Variants in SPMIP2 observed in about 807,000 individuals in gnomAD.
The protein encoded by SPMIP2 is protein SPMIP2.
the SPMIP2 span, among the ~76,000 whole-genome samples, chr4:158,923,499 T>A: frequency 6.6e-6 from 1 of 151,978 alleles, no homozygotes; most frequent in Non-Finnish European, 1.5e-5. Context: ...ATAAATGAAA[T>A]TGTTTTAATT....
At chr4:158,961,371 G>A in the SPMIP2 span, among the ~76,000 whole-genome samples, 44 of 152,166 alleles carry the variant, frequency 2.9e-4, no homozygotes, top group Middle Eastern at 3.4e-3. Context: ...TCTTCTCAGG[G>A]ATAAAGACCT....
chr4:158,994,625 TA>T, the SPMIP2 span, among the ~76,000 whole-genome samples: 1 of 152,146 alleles, frequency 6.6e-6, no homozygotes, highest in African/African-American at 2.4e-5. Context: ...AGTGTTTCAA[TA>T]GGTATATTTG....
the SPMIP2 span, among the ~76,000 whole-genome samples, chr4:159,039,263 A>G: frequency 1.3e-5 from 2 of 152,146 alleles, no homozygotes; most frequent in Non-Finnish European, 2.9e-5. Context: ...AAACGAGCAG[A>G]CACTGGTTGG....
the SPMIP2 span, among the ~76,000 whole-genome samples, chr4:159,072,862 A>C: frequency 6.6e-6 from 1 of 152,224 alleles, no homozygotes; most frequent in East Asian, 1.9e-4. Context: ...TTTGATAAGT[A>C]TAACAAAACA....
chr4:159,035,045 T>C, the SPMIP2 span: 1 of 1,612,818 alleles, frequency 6.2e-7, no homozygotes, highest in Non-Finnish European at 8.5e-7. Context: ...GTAAAAATCA[T>C]TTGTTTTCCC....
the SPMIP2 span, among the ~76,000 whole-genome samples, chr4:158,936,490 C>T: frequency 1.3e-5 from 2 of 152,334 alleles, no homozygotes; most frequent in East Asian, 3.9e-4. Context: ...AAGCTGGTTT[C>T]CTTCAATGTT....
chr4:159,073,502 C>A, the SPMIP2 span, among the ~76,000 whole-genome samples: 260 of 152,218 alleles, frequency 1.7e-3, 3 homozygotes, highest in Middle Eastern at 3.4e-3. Context: ...CATTCAGGCT[C>A]TCTTTGACCA....
chr4:159,046,197 C>T, the SPMIP2 span, among the ~76,000 whole-genome samples: 3 of 150,716 alleles, frequency 2.0e-5, no homozygotes, highest in Non-Finnish European at 4.4e-5. Context: ...CCACTGCACT[C>T]CAGCCTGGGT....
At chr4:159,058,713 A>G in the SPMIP2 span, among the ~76,000 whole-genome samples, 1 of 152,224 alleles carries the variant, frequency 6.6e-6, no homozygotes, top group African/African-American at 2.4e-5. Context: ...AAAAGAAATA[A>G]TGGAAGCATG....
At chr4:158,974,849 G>A in the SPMIP2 span, among the ~76,000 whole-genome samples, 3 of 152,088 alleles carry the variant, frequency 2.0e-5, no homozygotes, top group African/African-American at 7.2e-5. Context: ...GGGTCAAATG[G>A]TATTTCCAGT....
the SPMIP2 span, among the ~76,000 whole-genome samples, chr4:158,984,668 C>T: frequency 6.6e-6 from 1 of 151,666 alleles, no homozygotes; most frequent in East Asian, 1.9e-4. Context: ...TAAATGCCCA[C>T]AAGAGAAAGC....
the SPMIP2 span, chr4:158,905,245 C>T: frequency 6.6e-6 from 1 of 152,216 alleles, no homozygotes; most frequent in African/African-American, 2.4e-5. Flanking sequence ...GCAATAAACC[C>T]AAGAATCAAT....
the SPMIP2 span, among the ~76,000 whole-genome samples, chr4:159,081,714 A>G: frequency 6.6e-6 from 1 of 152,042 alleles, no homozygotes; most frequent in Middle Eastern, 3.4e-3. Context: ...AGAGAGAGAA[A>G]AAAACAAAAA....
chr4:158,928,315 T>C, the SPMIP2 span, among the ~76,000 whole-genome samples: 1 of 151,874 alleles, frequency 6.6e-6, no homozygotes, highest in African/African-American at 2.4e-5. Flanking sequence ...AGAACCTTTA[T>C]GTCTAGCTCA....
the SPMIP2 span, chr4:158,906,234 C>CCTCACCTGT: frequency 1.3e-5 from 2 of 152,170 alleles, no homozygotes; most frequent in Non-Finnish European, 1.5e-5. Flanking sequence ...AGAGAAGGAA[C>CCTCACCTGT]CTCACCTGTG....
At chr4:159,000,694 A>G in the SPMIP2 span, among the ~76,000 whole-genome samples, 3 of 151,742 alleles carry the variant, frequency 2.0e-5, no homozygotes, top group East Asian at 5.8e-4. Flanking sequence ...GGGCCTCACC[A>G]TATTGGCCAA....
chr4:159,011,732 C>A, the SPMIP2 span, among the ~76,000 whole-genome samples: 482 of 120,068 alleles, frequency 4.0e-3, 3 homozygotes, highest in Admixed American at 8.9e-3. Flanking sequence ...CCAGCCCGGG[C>A]AACAAGATCG....
At chr4:159,049,709 T>G in the SPMIP2 span, among the ~76,000 whole-genome samples, 1 of 152,252 alleles carries the variant, frequency 6.6e-6, no homozygotes, top group Non-Finnish European at 1.5e-5. Context: ...TAGAATGTTC[T>G]GAATTTTTAT....
At chr4:159,065,305 G>T in the SPMIP2 span, among the ~76,000 whole-genome samples, 12 of 152,212 alleles carry the variant, frequency 7.9e-5, no homozygotes, top group Admixed American at 7.2e-4. Context: ...TAAATAGCTA[G>T]ACAAGTTCAC....
Sources: gnomAD v4.1 joint callset for allele counts (sites outside exome capture counted in the v4.1 genomes callset) on GRCh38, gnomAD v4.1.1 for gene constraint, MANE v1.5 for transcripts, NCBI Gene and HGNC (gene_info 2026-07-23, HGNC 2026-07-21) for gene names.